Variants in FAM240B observed in about 807,000 individuals in gnomAD.
FAM240B encodes family with sequence similarity 240 member B.
intron 2 of FAM240B, among the ~76,000 whole-genome samples, chr9:38,696,341 A>C (rs1292516878): frequency 6.6e-6 from 1 of 152,122 alleles, no homozygotes; most frequent in Non-Finnish European, 1.5e-5. Context: ...TAGAAGGTAT[A>C]AATATTTTGA....
intron 2 of FAM240B, among the ~76,000 whole-genome samples, chr9:38,696,707 G>C (rs185971384): frequency 6.6e-6 from 1 of 152,046 alleles, no homozygotes. Flanking sequence ...CCAGCTACCC[G>C]GGAGGCTGAG....
At chr9:38,717,503 AG>A (rs1262997376) in intron 1 of FAM240B, among the ~76,000 whole-genome samples, 1 of 152,080 alleles carries the variant, frequency 6.6e-6, no homozygotes, top group Non-Finnish European at 1.5e-5. Flanking sequence ...TTTTTTGAGA[AG>A]GAGTCTCGCT....
intron 1 of FAM240B, among the ~76,000 whole-genome samples, chr9:38,714,121 A>C (rs1477081428): frequency 4.6e-5 from 7 of 152,264 alleles, no homozygotes; most frequent in African/African-American, 1.7e-4. Flanking sequence ...GCACAACAAA[A>C]TAAACAACAT....
chr9:38,707,063 A>G (rs981798576), intron 1 of FAM240B, among the ~76,000 whole-genome samples: 8 of 152,326 alleles, frequency 5.3e-5, no homozygotes, highest in Middle Eastern at 3.4e-3. Context: ...CAGAATTTGC[A>G]ATGTAAGTAT....
chr9:38,703,958 T>G lies in FAM240B; in HGVS notation c.42A>C (p.Gly14=), dbSNP rs1004506945. ...AGAAGCTTTTGAGCTCATGACAAGT[T>G]CCACAGCAGAAGACTTCTCGACGGA... ...QYIRREVFCC[G]TCHELKSFWE... The change falls in exon 2 of 3, where the codon GGA becomes GGC. Residue 14 remains glycine (G), a synonymous_variant. Transcript: ENST00000637493. The G allele has an allele frequency of 2.5e-6, 1 of 400,394 alleles. No homozygotes were observed. The highest frequency in any genetic ancestry group is 4.4e-6 in the Non-Finnish European group (1 of 226,108). 24.8% of individuals were successfully genotyped at this position (400,394 alleles called of 1,614,324 possible). A position where few individuals can be genotyped will look rare whatever the true frequency, so the allele number is the denominator to read the frequency against.
chr9:38,702,456 C>T (rs1479498929), intron 2 of FAM240B, among the ~76,000 whole-genome samples: 1 of 152,252 alleles, frequency 6.6e-6, no homozygotes, highest in Admixed American at 6.5e-5. Context: ...GAACACATGA[C>T]TACCATTCCA....
chr9:38,698,367 G>A (rs1373039230), intron 2 of FAM240B, among the ~76,000 whole-genome samples: 1 of 152,074 alleles, frequency 6.6e-6, no homozygotes, highest in African/African-American at 2.4e-5. Context: ...ACCACCAGTT[G>A]GCCCAGATAC....
intron 1 of FAM240B, among the ~76,000 whole-genome samples, chr9:38,718,972 C>T (rs1042209409): frequency 2.0e-5 from 3 of 152,036 alleles, no homozygotes; most frequent in African/African-American, 2.4e-5. Context: ...GGAAAAGATA[C>T]GTAAGTCTTC....
At chr9:38,718,717 T>C (rs767999721) in intron 1 of FAM240B, among the ~76,000 whole-genome samples, 1 of 151,582 alleles carries the variant, frequency 6.6e-6, no homozygotes, top group Non-Finnish European at 1.5e-5. Flanking sequence ...TGCATTCTTA[T>C]GCTAATAGGA....
At chr9:38,703,802 G>A in intron 2 of FAM240B, 55 bp downstream of exon 2, 1 of 398,904 alleles carries the variant, frequency 2.5e-6, no homozygotes, top group Non-Finnish European at 4.4e-6. Context: ...TTCATATCTG[G>A]CATATCTCTG....
rs191861081 is a variant in FAM240B, at chr9:38,712,051, C to G, written c.-4+7971G>C. On this transcript the variant is annotated intron_variant, in intron 1 of 2. Coordinates refer to ENST00000637493, the MANE Select transcript of FAM240B (RefSeq NM_001394922.1). The stretch of plus-strand genomic sequence containing the variant: ...CCTTCAAAGCCACCTCAGATTTTGC[C>G]GGCAGTATATTTGAGTCTTAGGAGG... Among the ~76,000 whole-genome samples the G allele has an allele frequency of 5.6e-3, 859 of 152,182 alleles. 5 individuals are homozygous for G. Among genetic ancestry groups the G allele is most frequent in the Non-Finnish European group, 9.5e-3 (644 of 68,004 alleles).
At chr9:38,696,511 T>C (rs117245068) in intron 2 of FAM240B, among the ~76,000 whole-genome samples, 29 of 152,118 alleles carry the variant, frequency 1.9e-4, no homozygotes, top group Non-Finnish European at 3.5e-4. Flanking sequence ...GGCCTGAAAG[T>C]TGAAATACTG....
intron 2 of FAM240B, among the ~76,000 whole-genome samples, chr9:38,701,051 G>A (rs1203578201): frequency 6.6e-6 from 1 of 152,136 alleles, no homozygotes; most frequent in Admixed American, 6.5e-5. Context: ...GAGGTTTTTT[G>A]GTCTCTACTG....
At chr9:38,708,281 C>T (rs922653891) in intron 1 of FAM240B, among the ~76,000 whole-genome samples, 1 of 152,210 alleles carries the variant, frequency 6.6e-6, no homozygotes, top group Admixed American at 6.5e-5. Flanking sequence ...TTTCTCTATG[C>T]TTTCCTCCTT....
chr9:38,716,491 A>T (rs906113764), intron 1 of FAM240B, among the ~76,000 whole-genome samples: 9 of 133,880 alleles, frequency 6.7e-5, no homozygotes, highest in African/African-American at 1.7e-4. Flanking sequence ...TAATTTTTTT[A>T]AAAAATGGTC....
intron 1 of FAM240B, among the ~76,000 whole-genome samples, chr9:38,717,803 T>C (rs1821326233): frequency 6.6e-6 from 1 of 152,276 alleles, no homozygotes; most frequent in Middle Eastern, 3.4e-3. Flanking sequence ...AGTTTTACAC[T>C]GTTAGCAAAG....
At chr9:38,695,858 A>G (rs1007482353) in intron 2 of FAM240B, among the ~76,000 whole-genome samples, 1 of 152,398 alleles carries the variant, frequency 6.6e-6, no homozygotes, top group South Asian at 2.1e-4. Flanking sequence ...ATTAGCACAG[A>G]ATATAATAGA....
At chr9:38,701,569 G>C (rs1349161436) in intron 2 of FAM240B, among the ~76,000 whole-genome samples, 1 of 152,156 alleles carries the variant, frequency 6.6e-6, no homozygotes, top group African/African-American at 2.4e-5. Context: ...TGGCCTCGAG[G>C]CTGAAGGAGA....
intron 1 of FAM240B, among the ~76,000 whole-genome samples, chr9:38,709,955 G>A (rs10973988): frequency 0.26 from 38,937 of 152,080 alleles, 5,571 homozygotes; most frequent in Admixed American, 0.33. Flanking sequence ...TCAGGGGAGC[G>A]TGTATGTGCT....
Sources: allele counts gnomAD v4.1 joint callset (sites outside exome capture counted in the v4.1 genomes callset), GRCh38; gene constraint gnomAD v4.1.1; transcripts MANE v1.5; gene names NCBI Gene and HGNC (gene_info 2026-07-23, HGNC 2026-07-21).